The following EIF3A variants were observed in gnomAD, a reference collection of about 807,000 sequenced individuals.
EIF3A encodes the protein eukaryotic translation initiation factor 3 subunit A.
EIF3A carries 21 observed loss-of-function variants against 186.6 expected under a neutral mutation model. The observed-to-expected ratio is 0.11, with a 90% CI of 0.08 to 0.16. EIF3A has a LOEUF of 0.16. Among genes scored for constraint, EIF3A ranks in the 10% least tolerant of loss-of-function variants. EIF3A has a pLI of 1.00. For synonymous variants in EIF3A, 563 were observed against 584.3 expected (o/e 0.96, Z 0.52); for missense variants, 1,306 against 1,796.3 (o/e 0.73, Z 4.93).
chr10:119,074,935 AAAAAAAG>A (rs1184040705), intron 1 of EIF3A, among the ~76,000 whole-genome samples: 28 of 146,358 alleles, frequency 1.9e-4, no homozygotes, highest in Non-Finnish European at 3.2e-4. Flanking sequence ...AAAAAAAAAA[AAAAAAAG>A]GGAAAAAAAT....
At chr10:119,070,856 T>G in intron 5 of EIF3A, 30 bp downstream of exon 5, 1 of 1,510,964 alleles carries the variant, frequency 6.6e-7, no homozygotes, top group South Asian at 1.1e-5. Context: ...CTATTATTTC[T>G]AGGAAGAAAA....
rs1195428882 is a variant in EIF3A at position 119,066,563 on chromosome 10, G to A, written c.951-993C>T. ...AACCTAAGGAAGTAAGTGGCAATAA[G>A]GCAGAAAAAAATTTTAAGAATCAGA... On this transcript the variant is annotated intron_variant, in intron 6 of 21. Coordinates refer to ENST00000369144, the MANE Select transcript of EIF3A (RefSeq NM_003750.4). 4.8e-5 allele frequency among the ~76,000 whole-genome samples: 6 copies of A among 123,874 alleles called. No homozygotes were observed. The East Asian group carries it at 1.2e-3, about 24-fold the overall frequency. 81.3% of individuals were successfully genotyped at this position (123,874 alleles called of 152,430 possible).
At chr10:119,075,610 T>TAAA (rs1361570172) in intron 1 of EIF3A, among the ~76,000 whole-genome samples, 1 of 5,174 alleles carries the variant, frequency 1.9e-4, no homozygotes, top group Non-Finnish European at 6.9e-4. Context: ...AACACTACAC[T>TAAA]AAAAAAAAAA....
Position 119,069,649 on chromosome 10 carries a change from T to C in EIF3A, c.747A>G (p.Ala249=), listed in dbSNP as rs765581519. Reference sequence around the variant, plus strand: ...CGTGAATATCTTCCACAGCTTTGAATGCTTCCTAAAATTAGGAGTATAAAT... The same window carrying C: ...CGTGAATATCTTCCACAGCTTTGAACGCTTCCTAAAATTAGGAGTATAAAT... ...SAISMELWQE[A]FKAVEDIHGL... The change falls in exon 6 of 22, where the codon GCA becomes GCG. Residue 249 remains alanine (A), a synonymous_variant. Coordinates refer to ENST00000369144, the MANE Select transcript of EIF3A (RefSeq NM_003750.4). 21 of 1,552,136 alleles carry C rather than the reference T, an allele frequency of 1.4e-5. No homozygotes were observed. The Admixed American group carries it at 3.0e-4, about 22-fold the overall frequency.
At chr10:119,062,370 T>G (rs933556866) in intron 7 of EIF3A, among the ~76,000 whole-genome samples, 1 of 152,228 alleles carries the variant, frequency 6.6e-6, no homozygotes, top group Non-Finnish European at 1.5e-5. Flanking sequence ...AAGTCACTCT[T>G]AGGAATGTTT....
intron 6 of EIF3A, among the ~76,000 whole-genome samples, chr10:119,067,102 G>T (rs1475732487): frequency 3.3e-5 from 5 of 152,014 alleles, no homozygotes; most frequent in African/African-American, 1.2e-4. Context: ...TGTAATCCCA[G>T]CTACTTGGGA....
chr10:119,075,809 G>A (rs1844161729), intron 1 of EIF3A, among the ~76,000 whole-genome samples: 1 of 141,184 alleles, frequency 7.1e-6, no homozygotes, highest in Non-Finnish European at 1.5e-5. Flanking sequence ...CGCCTCCCGG[G>A]TTCACGTCAT....
Position 119,035,791 on chromosome 10 carries a change from G to A in EIF3A, c.*248C>T, listed in dbSNP as rs1312537362. On this transcript the variant is annotated 3_prime_UTR_variant, in exon 22 of 22. Transcript: ENST00000369144. ...ATTTATTTTTTAGTTTTTCTTTTTT[G>A]TCAACAAATGATTGATGAAATAATG... 5.0e-6 allele frequency: 2 copies of A among 400,190 alleles called. No individual in the cohort carries two copies. Among genetic ancestry groups the A allele is most frequent in the Non-Finnish European group, 8.9e-6 (2 of 225,526 alleles). 24.8% of individuals were successfully genotyped at this position (400,190 alleles called of 1,614,324 possible).
At position 119,049,968 on chromosome 10, in the gene EIF3A, G is replaced by A. The variant is rs759307585; in HGVS notation, c.2491C>T (p.Arg831Cys). 1.4e-5 allele frequency: 23 copies of A among 1,613,700 alleles called. No homozygotes were observed. The highest frequency in any genetic ancestry group is 4.0e-5 in the African/African-American group (3 of 74,824). The change falls in exon 17 of 22, where the codon CGC (arginine) becomes TGC (cysteine). Residue 831 changes from arginine (R) to cysteine (C), a missense_variant. Physicochemically the swap from Arg to Cys is radical, Grantham distance 180. Around this residue, in one of 8 missense-constraint regions of EIF3A, gnomAD observed 410 missense variants for 473.5 expected, o/e 0.87. Coordinates refer to ENST00000369144, the MANE Select transcript of EIF3A (RefSeq NM_003750.4). ...QMLKEREERE[R>C]AERAKREEEL... The stretch of plus-strand genomic sequence containing the variant: ...TCCTCGCGTTTTGCTCGTTCGGCGC[G>A]CTCTCTCTCTTCCCGCTCTAGACCA...
chr10:119,061,149 A>T lies in EIF3A; in HGVS notation c.1227+75T>A, dbSNP rs1280980001. On this transcript the variant is annotated intron_variant, in intron 8 of 21. Transcript: ENST00000369144. ...CATAGGACAAAACTTCTCTCTTAAC[A>T]AATATGAATACAACCCAAAACTGCA... 2.5e-5 allele frequency: 19 copies of T among 766,850 alleles called. 1 individual carries two copies. The highest frequency in any genetic ancestry group is 2.3e-4 in the South Asian group (12 of 52,374). 47.5% of individuals were successfully genotyped at this position (766,850 alleles called of 1,614,324 possible).
chr10:119,061,088 GA>G (rs1244347524), intron 8 of EIF3A, 135 bp downstream of exon 8: 8 of 572,080 alleles, frequency 1.4e-5, no homozygotes, highest in Non-Finnish European at 2.1e-5. Context: ...TTGAAATAAA[GA>G]AAAAAGACAA....
intron 20 of EIF3A, 88 bp downstream of exon 20, chr10:119,038,150 C>G (rs961153950): frequency 8.6e-7 from 1 of 1,168,522 alleles, no homozygotes; most frequent in Non-Finnish European, 1.2e-6. Flanking sequence ...CTCCTGAACT[C>G]AGGTGATCCG....
At chr10:119,070,081 C>CT (rs1844048059) in intron 5 of EIF3A, among the ~76,000 whole-genome samples, 1 of 151,436 alleles carries the variant, frequency 6.6e-6, no homozygotes, top group Non-Finnish European at 1.5e-5. Context: ...ATGGGTGTCC[C>CT]TATAGAAAAG....
intron 6 of EIF3A, among the ~76,000 whole-genome samples, chr10:119,067,327 C>T (rs1843997096): frequency 6.6e-6 from 1 of 152,020 alleles, no homozygotes; most frequent in African/African-American, 2.4e-5. Context: ...GTGGCTCATG[C>T]CTATAAATCC....
rs1410616249 is a variant in EIF3A, at chr10:119,073,099, T to TTTGCCATG, written c.378-54_378-47dup. On this transcript the variant is annotated intron_variant, in intron 3 of 21. Transcript: ENST00000369144. ...AAAACAATTTTAGACAGTTTCCTAC[T>TTTGCCATG]TTGCCATGTGATTAAAAACCAAAAC... 21 of 1,551,110 alleles carry TTTGCCATG rather than the reference T, an allele frequency of 1.4e-5. No homozygotes were observed. In the Admixed American group the frequency reaches 4.3e-4, roughly 32 times the overall value.
chr10:119,071,863 A>G (rs1844076204), intron 4 of EIF3A, among the ~76,000 whole-genome samples: 1 of 151,650 alleles, frequency 6.6e-6, no homozygotes, highest in Non-Finnish European at 1.5e-5. Flanking sequence ...ATCTCTACTA[A>G]AAATACAAAA....
rs575905159 is a variant in EIF3A, at chr10:119,035,937, C to G, written c.*102G>C. The G allele has an allele frequency of 1.2e-6, 1 of 851,774 alleles. No individual in the cohort carries two copies. The highest frequency in any genetic ancestry group is 1.9e-6 in the Non-Finnish European group (1 of 526,996). The allele number at this position is 851,774 out of a possible 1,614,324, so 52.8% of individuals were successfully genotyped here. ...TGCTTTTTGTGTTATGGTGAAACAA[C>G]ATTAAAGAATCCAATTTAGATTGGT... is the stretch of plus-strand genomic sequence containing the variant. On this transcript the variant is annotated 3_prime_UTR_variant, in exon 22 of 22. Transcript: ENST00000369144.
intron 14 of EIF3A, among the ~76,000 whole-genome samples, chr10:119,052,942 A>G (rs1308638144): frequency 6.6e-6 from 1 of 152,230 alleles, no homozygotes; most frequent in African/African-American, 2.4e-5. Context: ...TATATTTCTT[A>G]AATAATAAGA....
At position 119,035,870 on chromosome 10, in the gene EIF3A, T is replaced by G. The variant is rs1848120586; in HGVS notation, c.*169A>C. ...TGGTTTTTCCAACCTCCTGTGGATA[T>G]GGTGCATGATCAATCTATTATATAG... is the stretch of plus-strand genomic sequence containing the variant. On this transcript the variant is annotated 3_prime_UTR_variant, in exon 22 of 22. Transcript: ENST00000369144. The G allele has an allele frequency of 1.3e-5, 7 of 521,612 alleles. No homozygotes were observed. Among genetic ancestry groups the G allele is most frequent in the Admixed American group, 1.0e-4 (3 of 30,110 alleles). 32.3% of individuals were successfully genotyped at this position (521,612 alleles called of 1,614,324 possible). A position where few individuals can be genotyped will look rare whatever the true frequency, so the allele number is the denominator to read the frequency against.
Sources: allele counts gnomAD v4.1 joint callset (sites outside exome capture counted in the v4.1 genomes callset), GRCh38; gene constraint gnomAD v4.1.1; regional missense constraint gnomAD v4.1.1; transcripts MANE v1.5; gene names NCBI Gene and HGNC (gene_info 2026-07-23, HGNC 2026-07-21).